Variants in RECQL5 observed in about 807,000 individuals in gnomAD.
RECQL5 encodes ATP-dependent DNA helicase Q5.
In RECQL5, 88 loss-of-function variants were observed where a neutral mutation model predicts 103.4. The observed-to-expected ratio is 0.85, with a 90% CI of 0.72 to 1.02. RECQL5 has a LOEUF of 1.02. RECQL5 is among the 50% of genes least tolerant of loss of function. RECQL5 has a pLI of 0.00. For missense variants in RECQL5, 1,232 were observed against 1,284.3 expected (o/e 0.96, Z 0.62); for synonymous variants, 552 against 507.9 (o/e 1.09, Z -1.17).
chr17:75,663,399 A>T (rs2059725044), intron 3 of RECQL5, among the ~76,000 whole-genome samples: 1 of 151,738 alleles, frequency 6.6e-6, no homozygotes, highest in Non-Finnish European at 1.5e-5. Flanking sequence ...TATATATTAA[A>T]AATAATAATA....
At chr17:75,663,059 C>T in intron 3 of RECQL5, 62 bp from the exon 4 acceptor site, 1 of 1,490,500 alleles carries the variant, frequency 6.7e-7, no homozygotes, top group East Asian at 2.3e-5. Flanking sequence ...CACTGCAAGT[C>T]CCTGGAGGAT....
chr17:75,667,113 A>G lies in RECQL5; in HGVS notation c.-84T>C, dbSNP rs1301081871. 7 of 501,700 alleles carry G rather than the reference A, an allele frequency of 1.4e-5. No individual in the cohort carries two copies. The highest frequency in any genetic ancestry group is 1.9e-5 in the African/African-American group (1 of 51,616). The allele number at this position is 501,700 out of a possible 1,614,324, so 31.1% of individuals were successfully genotyped here. On this transcript the variant is annotated 5_prime_UTR_variant, in exon 1 of 20. Coordinates refer to ENST00000317905, the MANE Select transcript of RECQL5 (RefSeq NM_004259.7). ...GTTCCGGAACTGTTCGAAGACCCCT[A>G]TACACAACCCCAACTCAGAGAAGCC...
intron 18 of RECQL5, 117 bp downstream of exon 18, chr17:75,628,101 G>C: frequency 1.1e-6 from 1 of 881,330 alleles, no homozygotes; most frequent in Non-Finnish European, 1.8e-6. Context: ...GGGAGGACGG[G>C]CGTGGGGCTG....
intron 7 of RECQL5, among the ~76,000 whole-genome samples, chr17:75,651,474 A>G (rs1034369722): frequency 2.0e-5 from 3 of 152,146 alleles, no homozygotes; most frequent in African/African-American, 7.2e-5. Context: ...ATACAAAAAA[A>G]TTAGCCAGGT....
At chr17:75,658,554 C>G in intron 6 of RECQL5, 94 bp from the exon 7 acceptor site, 1 of 1,183,828 alleles carries the variant, frequency 8.4e-7, no homozygotes, top group Non-Finnish European at 1.2e-6. Context: ...GGGAGGCCAG[C>G]AGATAGGGAG....
chr17:75,628,570 A>G, intron 17 of RECQL5, 102 bp downstream of exon 17: 1 of 1,506,008 alleles, frequency 6.6e-7, no homozygotes, highest in Non-Finnish European at 8.9e-7. Flanking sequence ...CCAGGTGTGG[A>G]AAGAAAGCTG....
rs1294888195 is a variant in RECQL5, at chr17:75,628,362, G to GACGCTGCCCTTGACCTCAGCT, written c.2640_2660dup (p.Ala881_Val887dup). The GACGCTGCCCTTGACCTCAGCT allele has an allele frequency of 6.2e-7, 1 of 1,613,992 alleles. No individual in the cohort carries two copies. The highest frequency in any genetic ancestry group is 8.5e-7 in the Non-Finnish European group (1 of 1,180,040). On this transcript the variant is annotated inframe_insertion, in exon 18 of 20. Transcript: ENST00000317905. ...TCAAGGTGCCCTGTTCGCTGGCCGAGACGCTGCCCTTGACCTCAGCTACGA... is the reference window on the plus strand; with the variant it reads ...TCAAGGTGCCCTGTTCGCTGGCCGAGACGCTGCCCTTGACCTCAGCTACGCTGCCCTTGACCTCAGCTACGA...
At chr17:75,642,241 G>C (rs1023330863) in intron 8 of RECQL5, among the ~76,000 whole-genome samples, 1 of 152,208 alleles carries the variant, frequency 6.6e-6, no homozygotes, top group African/African-American at 2.4e-5. Context: ...GGTCCAGACA[G>C]AGCATCCCGA....
intron 6 of RECQL5, 46 bp downstream of exon 6, chr17:75,660,909 T>G (rs763445370): frequency 1.4e-6 from 2 of 1,440,088 alleles, no homozygotes; most frequent in Non-Finnish European, 2.0e-6. Flanking sequence ...CAATCCACCC[T>G]GAGCCAGGCC....
chr17:75,662,559 A>G lies in RECQL5; in HGVS notation c.691T>C (p.Phe231Leu). 2 of 1,614,196 alleles carry G rather than the reference A, an allele frequency of 1.2e-6. No individual in the cohort carries two copies. The highest frequency in any genetic ancestry group is 1.7e-6 in the Non-Finnish European group (2 of 1,180,040). ...FRANLFYDVQ[F>L]KELISDPYGN... ...TAGGGATCAGAAATCAGTTCCTTGAATTGCACATCATAGAAGAGGTTGGCC... is the reference window on the plus strand; with the variant it reads ...TAGGGATCAGAAATCAGTTCCTTGAGTTGCACATCATAGAAGAGGTTGGCC... The change falls in exon 4 of 20, where the codon TTC becomes CTC. Residue 231 changes from phenylalanine to leucine, a missense_variant. By Grantham distance (22) the Phe-to-Leu change is conservative. Transcript: ENST00000317905.
chr17:75,651,334 T>G (rs2059552974), intron 7 of RECQL5, 69 bp from the exon 8 acceptor site: 1 of 1,584,938 alleles, frequency 6.3e-7, no homozygotes, highest in Non-Finnish European at 8.6e-7. Flanking sequence ...CAAAAAGTAA[T>G]GAGGAGGCCG....
chr17:75,645,218 T>C (rs918207220), intron 8 of RECQL5, among the ~76,000 whole-genome samples: 3 of 152,252 alleles, frequency 2.0e-5, no homozygotes, highest in Non-Finnish European at 4.4e-5. Context: ...TTAGTTATCA[T>C]GTCTGCATCT....
intron 2 of RECQL5, among the ~76,000 whole-genome samples, chr17:75,665,908 C>A (rs1308576446): frequency 2.0e-5 from 3 of 152,174 alleles, no homozygotes; most frequent in African/African-American, 7.2e-5. Flanking sequence ...AGGTTTATAA[C>A]ATTATTACTC....
chr17:75,633,468 A>T lies in RECQL5; in HGVS notation c.1230-1800T>A, dbSNP rs955488664. 14 of 1,289,034 alleles carry T rather than the reference A, an allele frequency of 1.1e-5. No homozygotes were observed. In the African/African-American group the frequency reaches 2.1e-4, roughly 20 times the overall value. 79.8% of individuals were successfully genotyped at this position (1,289,034 alleles called of 1,614,324 possible). On this transcript the variant is annotated intron_variant, in intron 8 of 19. Transcript: ENST00000317905. ...AGCAGAAGGCCCTCACCTCACAAGG[A>T]ACATGAGGCGCCTTGCCGGGCGCGC...
chr17:75,664,595 G>A (rs1039656484), intron 3 of RECQL5, among the ~76,000 whole-genome samples: 2 of 152,104 alleles, frequency 1.3e-5, no homozygotes, highest in African/African-American at 2.4e-5. Context: ...CCAATATAGC[G>A]AATGAGATAG....
chr17:75,631,066 C>T, intron 10 of RECQL5, 56 bp from the exon 11 acceptor site: 6 of 1,611,870 alleles, frequency 3.7e-6, no homozygotes, highest in South Asian at 1.1e-5. Context: ...AGGACAGTCC[C>T]ATCCAGCACC....
intron 8 of RECQL5, among the ~76,000 whole-genome samples, chr17:75,635,633 G>A (rs567497452): frequency 7.9e-5 from 12 of 152,302 alleles, no homozygotes; most frequent in African/African-American, 1.7e-4. Flanking sequence ...CATCCCCCCC[G>A]GCTGCTCAGG....
rs980168414 is a variant in RECQL5, at chr17:75,666,524, G to A, written c.34C>T (p.Pro12Ser). The A allele has an allele frequency of 9.3e-6, 15 of 1,613,978 alleles. No homozygotes were observed. Among genetic ancestry groups the A allele is most frequent in the Non-Finnish European group, 1.2e-5 (14 of 1,180,036 alleles). The change falls in exon 2 of 20, where the codon CCT (proline) becomes TCT (serine). Residue 12 changes from proline to serine, a missense_variant. Transcript: ENST00000317905. ...AGCGTACTCCGGACTCGCCGCTCAG[G>A]GTCAAAAGGAAAGGTGGTATGGTGG... is the stretch of plus-strand genomic sequence containing the variant. ...SSHHTTFPFD[P>S]ERRVRSTLKK...
Position 75,630,833 on chromosome 17 carries a change from C to T in RECQL5, c.1590G>A (p.Glu530=). ...PKIEEFVPPD[E]NCPLKEASSR... ...TAGAAGCCTCTTTCAGGGGACAGTT[C>T]TCATCTGTGGGGGGGGGGGGTGGTC... The change falls in exon 12 of 20, where the codon GAG becomes GAA. Residue 530 remains glutamate, a synonymous_variant. Coordinates refer to ENST00000317905, the MANE Select transcript of RECQL5 (RefSeq NM_004259.7). 7.2e-7 allele frequency: 1 copy of T among 1,387,098 alleles called. No individual in the cohort carries two copies. The highest frequency in any genetic ancestry group is 9.4e-7 in the Non-Finnish European group (1 of 1,062,056). The allele number at this position is 1,387,098 out of a possible 1,614,324, so 85.9% of individuals were successfully genotyped here.
Sources: gnomAD v4.1 joint callset for allele counts (sites outside exome capture counted in the v4.1 genomes callset) on GRCh38, gnomAD v4.1.1 for gene constraint, MANE v1.5 for transcripts, NCBI Gene and HGNC (gene_info 2026-07-23, HGNC 2026-07-21) for gene names.